ENTPD4: variants seen among roughly 807,000 people sequenced by gnomAD.
ENTPD4 encodes the protein Golgi UDPase.
A neutral mutation model predicts 79.1 loss-of-function variants in ENTPD4; 60 were observed. The observed-to-expected ratio is 0.76, with a 90% CI of 0.62 to 0.94. ENTPD4 has a LOEUF of 0.94. Ranked by LOEUF, ENTPD4 falls within the 40% of genes least tolerant of loss-of-function variation. The pLI is 0.00. For synonymous variants in ENTPD4, 276 were observed against 292.0 expected, an observed-to-expected ratio of 0.95 and a Z score of 0.56; for missense variants, 772 against 775.1, an observed-to-expected ratio of 1.00 and a Z score of 0.05.
chr8:23,452,279 C>A (rs777358598), intron 1 of ENTPD4, among the ~76,000 whole-genome samples: 2 of 152,158 alleles, frequency 1.3e-5, no homozygotes, highest in East Asian at 1.9e-4. Context: ...AAGGGACTGG[C>A]AAGAAGTCAA....
In ENTPD4 at chr8:23,433,011, T is replaced by C. The variant is rs1427262313; in HGVS notation, c.1766A>G (p.His589Arg). The C allele has an allele frequency of 6.2e-7, 1 of 1,614,038 alleles. No homozygotes were observed. The highest frequency in any genetic ancestry group is 1.1e-5 in the South Asian group (1 of 91,082). Residue 589 changes from histidine (H) to arginine (R), a missense_variant, in exon 13 of 13, where the codon CAC becomes CGC. By Grantham distance (29) the His-to-Arg change is conservative. Transcript: ENST00000358689. Reference protein sequence around the residue: ...LLYLLRLRRIHRRTPRSSSAA... With the variant: ...LLYLLRLRRIRRRTPRSSSAA... Reference sequence around the variant, plus strand: ...CGAGCTGCTCCGGGGAGTGCGCCTGTGGATGCGCCGCAGCCGCAGCAGGTA... The same window carrying C: ...CGAGCTGCTCCGGGGAGTGCGCCTGCGGATGCGCCGCAGCCGCAGCAGGTA...
chr8:23,443,209 T>C (rs1000214253), intron 6 of ENTPD4, among the ~76,000 whole-genome samples: 1 of 152,130 alleles, frequency 6.6e-6, no homozygotes, highest in Non-Finnish European at 1.5e-5. Flanking sequence ...TCCTGTGATA[T>C]TTTTTCCTCA....
At chr8:23,438,393 C>A (rs773112312) in intron 9 of ENTPD4, among the ~76,000 whole-genome samples, 74 of 152,134 alleles carry the variant, frequency 4.9e-4, no homozygotes, top group Admixed American at 1.8e-3. Context: ...AGGTCTTTGC[C>A]ATAAAAATGT....
chr8:23,443,721 T>C, intron 6 of ENTPD4, 129 bp downstream of exon 6: 1 of 568,140 alleles, frequency 1.8e-6, no homozygotes, highest in South Asian at 2.7e-5. Flanking sequence ...TTAAAAATTG[T>C]AATATTTCAA....
intron 2 of ENTPD4, 36 bp from the exon 3 acceptor site, chr8:23,448,975 G>A: frequency 6.5e-7 from 1 of 1,533,892 alleles, no homozygotes; most frequent in Non-Finnish European, 9.0e-7. Context: ...AAAGCAATCT[G>A]CTCCAATGAG....
Position 23,432,103 on chromosome 8 carries a change from T to C in ENTPD4, c.*823A>G, listed in dbSNP as rs1307669224. 2.0e-6 allele frequency: 2 copies of C among 984,734 alleles called. No individual in the cohort carries two copies. Among genetic ancestry groups the C allele is most frequent in the South Asian group, 4.7e-5 (1 of 21,274 alleles). 61.0% of individuals were successfully genotyped at this position (984,734 alleles called of 1,614,324 possible). A position where few individuals can be genotyped will look rare whatever the true frequency, so the allele number is the denominator to read the frequency against. ...TGCCCATGTTTCTCTGTTTTGGATA[T>C]AAATGGTTTAAAAAATTTAAATTTG... On this transcript the variant is annotated 3_prime_UTR_variant, in exon 13 of 13. Coordinates refer to ENST00000358689, the MANE Select transcript of ENTPD4 (RefSeq NM_004901.5).
intron 5 of ENTPD4, 37 bp from the exon 6 acceptor site, chr8:23,443,990 T>G: frequency 7.2e-7 from 1 of 1,382,576 alleles, no homozygotes; most frequent in Non-Finnish European, 1.0e-6. Flanking sequence ...ATCAAAAGAT[T>G]ACAGCTTGGT....
chr8:23,445,221 C>T (rs1309646715), intron 4 of ENTPD4, among the ~76,000 whole-genome samples: 1 of 152,142 alleles, frequency 6.6e-6, no homozygotes, highest in Non-Finnish European at 1.5e-5. Flanking sequence ...CATAGATCGC[C>T]TCTCCTTGGT....
In ENTPD4 at chr8:23,435,481, A is replaced by G. The variant is rs577184792; in HGVS notation, c.1375-4T>C. On this transcript the variant is annotated splice_polypyrimidine_tract_variant and splice_region_variant and intron_variant, in intron 10 of 12. Coordinates refer to ENST00000358689, the MANE Select transcript of ENTPD4 (RefSeq NM_004901.5). ...ACCACTTTGTTGCACAATAATCCTG[A>G]AAACAAATTCACCAAAATAGATCAC... 5.0e-6 allele frequency: 8 copies of G among 1,611,880 alleles called. No individual in the cohort carries two copies. Among genetic ancestry groups the G allele is most frequent in the Non-Finnish European group, 6.8e-6 (8 of 1,178,084 alleles).
chr8:23,432,216 A>T lies in ENTPD4; in HGVS notation c.*710T>A. On this transcript the variant is annotated 3_prime_UTR_variant, in exon 13 of 13. Coordinates refer to ENST00000358689, the MANE Select transcript of ENTPD4 (RefSeq NM_004901.5). Reference sequence around the variant, plus strand: ...GGTTAGAGCTTTCAAGATAGAGAAAAAAGAGGATTATCATTTCAGGCAGTA... The same window carrying T: ...GGTTAGAGCTTTCAAGATAGAGAAATAAGAGGATTATCATTTCAGGCAGTA... The T allele has an allele frequency of 4.1e-6, 4 of 985,292 alleles. No homozygotes were observed. The South Asian group carries it at 1.4e-4, about 35-fold the overall frequency. The allele number at this position is 985,292 out of a possible 1,614,324, so 61.0% of individuals were successfully genotyped here.
At position 23,437,047 on chromosome 8, in the gene ENTPD4, T is replaced by A; in HGVS notation, c.1261A>T (p.Ile421Phe). The A allele has an allele frequency of 6.2e-7, 1 of 1,614,142 alleles. No homozygotes were observed. The highest frequency in any genetic ancestry group is 8.5e-7 in the Non-Finnish European group (1 of 1,179,958). Reference sequence around the variant, plus strand: ...TAGAATTCACTGTTCTGGAAGTGAATTGGGGGCTGGTAGACCCCATTGAGG... The same window carrying A: ...TAGAATTCACTGTTCTGGAAGTGAAATGGGGGCTGGTAGACCCCATTGAGG... ...TSLNGVYQPPIHFQNSEFYGF... is the reference protein window; with the variant it reads ...TSLNGVYQPPFHFQNSEFYGF... Residue 421 changes from isoleucine to phenylalanine, a missense_variant, in exon 10 of 13, where the codon ATT becomes TTT. Transcript: ENST00000358689.
intron 11 of ENTPD4, 108 bp from the exon 12 acceptor site, chr8:23,434,586 G>A: frequency 6.6e-7 from 1 of 1,525,228 alleles, no homozygotes; most frequent in South Asian, 1.3e-5. Flanking sequence ...TTGGGGCAGG[G>A]GCTTCCTCAG....
At chr8:23,454,942 G>A (rs1800929584) in intron 1 of ENTPD4, among the ~76,000 whole-genome samples, 1 of 152,154 alleles carries the variant, frequency 6.6e-6, no homozygotes, top group East Asian at 1.9e-4. Context: ...TTCGCACCAG[G>A]GCACTGGGAG....
chr8:23,456,224 A>G (rs575570476), intron 1 of ENTPD4, among the ~76,000 whole-genome samples: 3 of 152,220 alleles, frequency 2.0e-5, no homozygotes, highest in Non-Finnish European at 2.9e-5. Flanking sequence ...GCTCCAGTGC[A>G]GCAGGTCTCT....
intron 1 of ENTPD4, among the ~76,000 whole-genome samples, chr8:23,455,518 TAAG>T (rs1374750295): frequency 6.6e-6 from 1 of 152,244 alleles, no homozygotes; most frequent in Non-Finnish European, 1.5e-5. Context: ...ATTCATTCTT[TAAG>T]AAGATATGTA....
Position 23,444,611 on chromosome 8 carries a change from A to G in ENTPD4, c.413-5T>C. ...AGGTAGCAAATTCTGAAATGCCTAG[A>G]GAAACAGGATACTTTAGTTAAGAAG... is the stretch of plus-strand genomic sequence containing the variant. On this transcript the variant is annotated splice_polypyrimidine_tract_variant and splice_region_variant and intron_variant, in intron 4 of 12. Transcript: ENST00000358689. The G allele has an allele frequency of 6.2e-7, 1 of 1,613,418 alleles. No homozygotes were observed. The highest frequency in any genetic ancestry group is 8.5e-7 in the Non-Finnish European group (1 of 1,179,300).
At chr8:23,435,020 T>C (rs1171691267) in intron 11 of ENTPD4, among the ~76,000 whole-genome samples, 2 of 152,108 alleles carry the variant, frequency 1.3e-5, no homozygotes, top group South Asian at 2.1e-4. Flanking sequence ...AAGCAGAACA[T>C]GATAAATGCA....
chr8:23,450,709 C>G (rs1031309375), intron 1 of ENTPD4, among the ~76,000 whole-genome samples: 1 of 152,224 alleles, frequency 6.6e-6, no homozygotes, highest in Non-Finnish European at 1.5e-5. Context: ...TGTCTAGCCT[C>G]ATTCTCTTCT....
chr8:23,431,520 T>C lies in ENTPD4; in HGVS notation c.*1406A>G, dbSNP rs1800453289. ...AGATTTTGGCTTAAATTGTCGAATT[T>C]TTTCCTTCAAAATGTGAATTTATTT... On this transcript the variant is annotated 3_prime_UTR_variant, in exon 13 of 13. Transcript: ENST00000358689. The C allele has an allele frequency of 3.1e-5, 31 of 985,334 alleles. No individual in the cohort carries two copies. The highest frequency in any genetic ancestry group is 3.5e-5 in the Non-Finnish European group (29 of 829,948). 61.0% of individuals were successfully genotyped at this position (985,334 alleles called of 1,614,324 possible). A position where few individuals can be genotyped will look rare whatever the true frequency, so the allele number is the denominator to read the frequency against.
Sources: allele counts gnomAD v4.1 joint callset (sites outside exome capture counted in the v4.1 genomes callset), GRCh38; gene constraint gnomAD v4.1.1; transcripts MANE v1.5; gene names NCBI Gene and HGNC (gene_info 2026-07-23, HGNC 2026-07-21).